Variants in RNF125 observed in about 807,000 individuals in gnomAD.
The protein encoded by RNF125 is ring finger protein 125.
RNF125 carries 21 observed loss-of-function variants against 26.0 expected under a neutral mutation model. The observed-to-expected ratio is 0.81, with a 90% CI of 0.57 to 1.16. The LOEUF (loss-of-function observed/expected upper bound fraction) is 1.16. RNF125 is among the 50% of genes most tolerant of loss of function. The probability of loss-of-function intolerance (pLI) is 0.00; values close to 1 mark genes in which losing one functional copy is unlikely to be tolerated. For synonymous variants in RNF125, 95 were observed against 109.2 expected (o/e 0.87, Z 0.81); for missense variants, 270 against 299.4 (o/e 0.90, Z 0.72).
chr18:32,068,623 C>G lies in RNF125; in HGVS notation c.*239C>G, dbSNP rs2039506063. On this transcript the variant is annotated 3_prime_UTR_variant, in exon 6 of 6. Coordinates refer to ENST00000217740, the MANE Select transcript of RNF125 (RefSeq NM_017831.4). ...AACAAAAAAAATTATCTACATCAGTCATTGTTACATGGAAAAGACAGGTGG... is the reference window on the plus strand; with the variant it reads ...AACAAAAAAAATTATCTACATCAGTGATTGTTACATGGAAAAGACAGGTGG... The G allele has an allele frequency of 2.6e-6, 1 of 384,058 alleles. No homozygotes were observed. The allele number at this position is 384,058 out of a possible 1,614,324, so 23.8% of individuals were successfully genotyped here.
At chr18:32,061,949 G>A (rs576726073) in intron 4 of RNF125, among the ~76,000 whole-genome samples, 4 of 152,288 alleles carry the variant, frequency 2.6e-5, no homozygotes, top group South Asian at 4.1e-4. Context: ...TATTTTCTGG[G>A]TACTAAGAAT....
intron 2 of RNF125, chr18:32,041,852 G>C: frequency 5.2e-6 from 1 of 191,260 alleles, no homozygotes; most frequent in South Asian, 6.1e-5. Context: ...GGATGGTCTC[G>C]ATCTCCTGAC....
rs2039529968 is a variant in RNF125, at chr18:32,071,123, C to T, written c.*2739C>T. ...TAGTTCTTCAACTATATATTTAACA[C>T]TTGCCCCCAGTTTTGTTTTGTTTTG... On this transcript the variant is annotated 3_prime_UTR_variant, in exon 6 of 6. Coordinates refer to ENST00000217740, the MANE Select transcript of RNF125 (RefSeq NM_017831.4). 1.3e-5 allele frequency: 2 copies of T among 152,394 alleles called. No homozygotes were observed. 9.4% of individuals were successfully genotyped at this position (152,394 alleles called of 1,614,324 possible).
intron 2 of RNF125, among the ~76,000 whole-genome samples, chr18:32,041,310 T>G (rs2039214594): frequency 6.6e-6 from 1 of 152,178 alleles, no homozygotes; most frequent in Non-Finnish European, 1.5e-5. Context: ...AAGTATACTG[T>G]GTATTGTGAA....
At chr18:32,027,583 G>A (rs565290930) in intron 1 of RNF125, among the ~76,000 whole-genome samples, 11 of 152,164 alleles carry the variant, frequency 7.2e-5, no homozygotes, top group African/African-American at 1.7e-4. Context: ...GGCAGAGATC[G>A]GAGAGGAGAA....
At chr18:32,083,117 T>TC in the RNF125 span, among the ~76,000 whole-genome samples, 2 of 152,234 alleles carry the variant, frequency 1.3e-5, 1 homozygote, top group South Asian at 4.1e-4. Flanking sequence ...CTGTGTTTCT[T>TC]CCCCTTTTTC....
chr18:32,062,466 A>G (rs2039443790), intron 4 of RNF125, among the ~76,000 whole-genome samples: 1 of 152,214 alleles, frequency 6.6e-6, no homozygotes, highest in South Asian at 2.1e-4. Context: ...GAAATTGTAA[A>G]TGATTATAAT....
chr18:32,045,751 T>G lies in RNF125; in HGVS notation c.504+19T>G. On this transcript the variant is annotated intron_variant, in intron 4 of 5. Transcript: ENST00000217740. ...GCCTGTGGTAAGGATTTTTGTTACATGTATTACAGCAATGTCTGAATTCAG... is the reference window on the plus strand; with the variant it reads ...GCCTGTGGTAAGGATTTTTGTTACAGGTATTACAGCAATGTCTGAATTCAG... 1 of 1,504,244 alleles carries G rather than the reference T, an allele frequency of 6.6e-7. No individual in the cohort carries two copies. Among genetic ancestry groups the G allele is most frequent in the South Asian group, 1.1e-5 (1 of 88,006 alleles). 93.2% of individuals were successfully genotyped at this position (1,504,244 alleles called of 1,614,324 possible).
chr18:32,045,611 T>C, intron 3 of RNF125, 31 bp from the exon 4 acceptor site: 1 of 1,463,498 alleles, frequency 6.8e-7, no homozygotes, highest in South Asian at 1.2e-5. Flanking sequence ...CCAACCATTT[T>C]AATATTATTT....
intron 4 of RNF125, among the ~76,000 whole-genome samples, chr18:32,063,381 C>T (rs1023049195): frequency 6.6e-6 from 1 of 151,948 alleles, no homozygotes; most frequent in Non-Finnish European, 1.5e-5. Flanking sequence ...TACCAGTACA[C>T]GTTTAACAAA....
Position 32,031,003 on chromosome 18 carries a change from C to T in RNF125, c.165-6113C>T, listed in dbSNP as rs1277121878. The T allele has an allele frequency of 2.6e-5, 4 of 152,284 alleles. No homozygotes were observed. The East Asian group carries it at 7.7e-4, about 29-fold the overall frequency. 9.4% of individuals were successfully genotyped at this position (152,284 alleles called of 1,614,324 possible). The stretch of plus-strand genomic sequence containing the variant: ...CCACTTCTGCAAGAACTAGCCCACT[C>T]CTGTGATAACGGCATTCATCCATTC... On this transcript the variant is annotated intron_variant, in intron 1 of 5. Transcript: ENST00000217740.
downstream of RNF125, among the ~76,000 whole-genome samples, chr18:32,074,166 C>T (rs1438636296): frequency 1.3e-5 from 2 of 152,198 alleles, no homozygotes; most frequent in African/African-American, 4.8e-5. Context: ...TGTTCTCCAG[C>T]TTCAGAATTC....
chr18:32,064,396 C>CTTTTTCTT (rs2039464006), intron 4 of RNF125, among the ~76,000 whole-genome samples: 1 of 86,862 alleles, frequency 1.2e-5, no homozygotes, highest in Non-Finnish European at 2.1e-5. Context: ...TTTTCTTTTT[C>CTTTTTCTT]TTTTTTTTTT....
intron 2 of RNF125, among the ~76,000 whole-genome samples, chr18:32,039,834 G>T (rs1451729211): frequency 3.4e-5 from 5 of 146,008 alleles, no homozygotes; most frequent in Non-Finnish European, 7.4e-5. Context: ...ATGGAGTGCA[G>T]TGGTGTATGA....
At chr18:32,052,943 T>C (rs57807662) in intron 4 of RNF125, among the ~76,000 whole-genome samples, 13,938 of 152,280 alleles carry the variant, frequency 0.092, 2,089 homozygotes, top group African/African-American at 0.32. Flanking sequence ...TTCTTGCATA[T>C]ATGCTATTAG....
intron 4 of RNF125, among the ~76,000 whole-genome samples, chr18:32,054,683 A>G (rs907541643): frequency 2.0e-5 from 3 of 152,206 alleles, no homozygotes; most frequent in South Asian, 2.1e-4. Context: ...ACTGATGTGA[A>G]GTAGAAGACA....
chr18:32,042,373 ATTTATG>A (rs1212055562), intron 3 of RNF125, 100 bp downstream of exon 3: 2 of 736,014 alleles, frequency 2.7e-6, no homozygotes, highest in African/African-American at 1.8e-5. Flanking sequence ...ATATTTACAT[ATTTATG>A]TTTATGTTCT....
At chr18:32,062,490 A>G (rs1455675573) in intron 4 of RNF125, among the ~76,000 whole-genome samples, 3 of 152,218 alleles carry the variant, frequency 2.0e-5, no homozygotes, top group Admixed American at 2.0e-4. Flanking sequence ...ACAATAATTA[A>G]TTAAAAGGAT....
At chr18:32,075,892 A>G (rs1304306961), downstream of RNF125, 3 of 1,151,514 alleles carry the variant, frequency 2.6e-6, no homozygotes, top group East Asian at 2.3e-5. Flanking sequence ...TCTCTAGAAA[A>G]GAATCCTAGG....
Sources: allele counts gnomAD v4.1 joint callset (sites outside exome capture counted in the v4.1 genomes callset), GRCh38; gene constraint gnomAD v4.1.1; transcripts MANE v1.5; gene names NCBI Gene and HGNC (gene_info 2026-07-23, HGNC 2026-07-21).